The following ST18 variants were observed in gnomAD, a reference collection of about 807,000 sequenced individuals.
ST18 encodes the protein suppression of tumorigenicity 18 protein.
Under a neutral mutation model 110.0 loss-of-function variants are expected in ST18, and 50 were observed. The observed-to-expected ratio is 0.45, with a 90% CI of 0.36 to 0.58. The LOEUF is 0.58. Ranked by LOEUF, ST18 falls within the 20% of genes least tolerant of loss-of-function variation. The pLI is 0.00. For synonymous variants in ST18, 461 were observed against 452.4 expected, an observed-to-expected ratio of 1.02 and a Z score of -0.24; for missense variants, 1,306 against 1,280.1, an observed-to-expected ratio of 1.02 and a Z score of -0.31.
At chr8:52,337,681 A>C (rs905715510) in intron 2 of ST18, among the ~76,000 whole-genome samples, 1 of 152,228 alleles carries the variant, frequency 6.6e-6, no homozygotes, top group Non-Finnish European at 1.5e-5. Flanking sequence ...GGGCTAAGCC[A>C]TCAACTGCCT....
At chr8:52,214,171 C>T (rs766602589) in intron 7 of ST18, 32 bp downstream of exon 7, 4 of 1,611,210 alleles carry the variant, frequency 2.5e-6, no homozygotes, top group East Asian at 4.5e-5. Flanking sequence ...GTGTGGTGGG[C>T]ATAGTGTCAT....
rs151080277 is a variant in ST18, at chr8:52,295,515, T to C, written c.-464-65438A>G. On this transcript the variant is annotated intron_variant, in intron 2 of 25. Transcript: ENST00000689386. ...TCATTTGTATACAGCCACAGAATTA[T>C]GAAGCCTTTTGAAATATCAGTACAG... Among the ~76,000 whole-genome samples the C allele has an allele frequency of 3.0e-3, 452 of 152,248 alleles. 1 individual carries two copies. Among genetic ancestry groups the C allele is most frequent in the Non-Finnish European group, 5.0e-3 (341 of 68,024 alleles).
chr8:52,133,792 G>A lies in ST18; in HGVS notation c.2301-491C>T, dbSNP rs375096331. Among the ~76,000 whole-genome samples, 5 of 151,848 alleles carry A rather than the reference G, an allele frequency of 3.3e-5. No homozygotes were observed. The East Asian group carries it at 9.7e-4, about 29-fold the overall frequency. On this transcript the variant is annotated intron_variant, in intron 19 of 25. Coordinates refer to ENST00000689386, the MANE Select transcript of ST18 (RefSeq NM_001352837.2). ...TGTGGCCAGGCTGGAGTGCAATGCT[G>A]CGATCTTGGCTTACTGCAACCTCCA...
chr8:52,372,425 A>T (rs1317017070), intron 2 of ST18, among the ~76,000 whole-genome samples: 2 of 152,176 alleles, frequency 1.3e-5, no homozygotes, highest in Non-Finnish European at 2.9e-5. Flanking sequence ...GAGAGAAAAA[A>T]TTTTTATACA....
chr8:52,344,017 T>A (rs971521345), intron 2 of ST18, among the ~76,000 whole-genome samples: 1 of 152,194 alleles, frequency 6.6e-6, no homozygotes, highest in Admixed American at 6.5e-5. Context: ...AATAAAATAA[T>A]TCCCTCATTT....
chr8:52,188,304 A>T (rs1252494120), intron 8 of ST18, among the ~76,000 whole-genome samples: 4 of 152,188 alleles, frequency 2.6e-5, no homozygotes. Context: ...AAGAAGACTG[A>T]ATTTTAGTAA....
intron 9 of ST18, among the ~76,000 whole-genome samples, chr8:52,174,511 G>A (rs909714052): frequency 6.6e-6 from 1 of 152,100 alleles, no homozygotes; most frequent in African/African-American, 2.4e-5. Context: ...GCTAACAAAA[G>A]CTCTAGAAAG....
chr8:52,344,333 A>G (rs1816650603), intron 2 of ST18, among the ~76,000 whole-genome samples: 1 of 152,212 alleles, frequency 6.6e-6, no homozygotes, highest in Non-Finnish European at 1.5e-5. Flanking sequence ...TAGTTTAAAC[A>G]GGAGCATGGA....
At chr8:52,138,427 A>G (rs1320395229) in intron 17 of ST18, among the ~76,000 whole-genome samples, 7 of 152,192 alleles carry the variant, frequency 4.6e-5, no homozygotes, top group Admixed American at 4.6e-4. Flanking sequence ...GAACCTGGTC[A>G]TGTCCTGTCC....
At chr8:52,265,218 G>T (rs914722016) in intron 2 of ST18, among the ~76,000 whole-genome samples, 14 of 152,150 alleles carry the variant, frequency 9.2e-5, no homozygotes, top group Admixed American at 6.5e-5. Flanking sequence ...GCAGGAGCCT[G>T]GTATATTTGA....
At chr8:52,335,840 A>G (rs16917716) in intron 2 of ST18, among the ~76,000 whole-genome samples, 33,191 of 151,910 alleles carry the variant, frequency 0.22, 4,277 homozygotes, top group African/African-American at 0.36. Flanking sequence ...ACTGCAGCCA[A>G]CAAGGTGTCC....
intron 2 of ST18, among the ~76,000 whole-genome samples, chr8:52,245,668 A>G (rs2093787217): frequency 6.6e-6 from 1 of 152,140 alleles, no homozygotes. Context: ...AATAGTATCA[A>G]TTAATATACA....
chr8:52,164,071 C>T lies in ST18; in HGVS notation c.1315G>A (p.Ala439Thr). Residue 439 changes from alanine to threonine, a missense_variant, in exon 13 of 26, where the codon GCT becomes ACT. Transcript: ENST00000689386. ...GACATTGCCAATTTTTCAGCTGCAG[C>T]AATTGGACAACCAGAAAGACTGTTT... Reference protein sequence around the residue: ...THRSLSGCPIAAAEKLAMSQD... With the variant: ...THRSLSGCPITAAEKLAMSQD... 6.2e-7 allele frequency: 1 copy of T among 1,613,958 alleles called. No individual in the cohort carries two copies. The highest frequency in any genetic ancestry group is 8.5e-7 in the Non-Finnish European group (1 of 1,179,900).
chr8:52,260,096 T>C (rs1486351994), intron 2 of ST18, among the ~76,000 whole-genome samples: 1 of 152,204 alleles, frequency 6.6e-6, no homozygotes, highest in African/African-American at 2.4e-5. Context: ...ATCAGGAGAA[T>C]GAACGTGAAC....
chr8:52,201,271 G>A (rs2077862283), intron 8 of ST18: 1 of 152,276 alleles, frequency 6.6e-6, no homozygotes, highest in African/African-American at 2.4e-5. Context: ...TAGGCTCTGG[G>A]TCAGCTTCCA....
Position 52,256,646 on chromosome 8 carries a change from G to T in ST18, c.-464-26569C>A, listed in dbSNP as rs189732273. ...GTGAACCAATACATGAGGCAAATGT[G>T]GTTGCCACAGATACAGTGTGGTGAC... On this transcript the variant is annotated intron_variant, in intron 2 of 25. Coordinates refer to ENST00000689386, the MANE Select transcript of ST18 (RefSeq NM_001352837.2). Among the ~76,000 whole-genome samples the T allele has an allele frequency of 6.6e-5, 10 of 152,256 alleles. No individual in the cohort carries two copies. The East Asian group carries it at 1.7e-3, about 26-fold the overall frequency.
At chr8:52,182,816 G>GAAAGAGGAGATTT (rs1444782134) in intron 8 of ST18, among the ~76,000 whole-genome samples, 1 of 152,064 alleles carries the variant, frequency 6.6e-6, no homozygotes, top group Non-Finnish European at 1.5e-5. Context: ...AGGAGAAGGA[G>GAAAGAGGAGATTT]AAAGAGGAGA....
At chr8:52,290,860 C>A (rs2139340048) in intron 2 of ST18, among the ~76,000 whole-genome samples, 1 of 152,320 alleles carries the variant, frequency 6.6e-6, no homozygotes, top group East Asian at 1.9e-4. Flanking sequence ...CTTGTTTGTG[C>A]TCTCCACCAC....
chr8:52,273,975 T>C (rs1345150235), intron 2 of ST18, among the ~76,000 whole-genome samples: 1 of 152,248 alleles, frequency 6.6e-6, no homozygotes, highest in Non-Finnish European at 1.5e-5. Flanking sequence ...AGCAGTTCTG[T>C]AACCCATTGA....
Sources: gnomAD v4.1 joint callset for allele counts (sites outside exome capture counted in the v4.1 genomes callset) on GRCh38, gnomAD v4.1.1 for gene constraint, MANE v1.5 for transcripts, NCBI Gene and HGNC (gene_info 2026-07-23, HGNC 2026-07-21) for gene names.